The following MCCC1 variants were observed in gnomAD, a reference collection of about 807,000 sequenced individuals.
The protein encoded by MCCC1 is methylcrotonyl-CoA carboxylase subunit 1.
Under a neutral mutation model 83.8 loss-of-function variants are expected in MCCC1, and 64 were observed. The observed-to-expected ratio is 0.76, with a 90% CI of 0.62 to 0.94. The LOEUF is 0.94. Ranked by LOEUF, MCCC1 falls within the 40% of genes least tolerant of loss-of-function variation. The probability of loss-of-function intolerance (pLI) is 0.00; values close to 1 mark genes in which losing one functional copy is unlikely to be tolerated. For missense variants in MCCC1, 807 were observed against 904.7 expected, an observed-to-expected ratio of 0.89 and a Z score of 1.39; for synonymous variants, 322 against 315.4, an observed-to-expected ratio of 1.02 and a Z score of -0.22.
intron 7 of MCCC1, among the ~76,000 whole-genome samples, chr3:183,069,505 A>G (rs541494412): frequency 6.6e-6 from 1 of 152,048 alleles, no homozygotes; most frequent in Non-Finnish European, 1.5e-5. Flanking sequence ...CCTTAATTGA[A>G]TTTCATTTAC....
intron 14 of MCCC1, among the ~76,000 whole-genome samples, chr3:183,026,921 T>C (rs1431924363): frequency 1.3e-5 from 2 of 152,214 alleles, no homozygotes; most frequent in Non-Finnish European, 2.9e-5. Context: ...ATGATTCATG[T>C]TACAGGCACA....
At chr3:183,019,743 G>T (rs189013873) in intron 17 of MCCC1, among the ~76,000 whole-genome samples, 1 of 152,112 alleles carries the variant, frequency 6.6e-6, no homozygotes, top group African/African-American at 2.4e-5. Context: ...TTACATTAAC[G>T]CAGATGCAAC....
chr3:183,071,264 G>C lies in MCCC1; in HGVS notation c.585C>G (p.Ala195=). Residue 195 remains alanine (A), a synonymous_variant, in exon 6 of 19, where the codon GCC becomes GCG. Transcript: ENST00000265594. Reference sequence around the variant, plus strand: ...TCATGACAGGATAGCCAATTCTCCTGGCGTGTTCCTTCAGGCACTGGTCTG... The same window carrying C: ...TCATGACAGGATAGCCAATTCTCCTCGCGTGTTCCTTCAGGCACTGGTCTG... ...DQSDQCLKEH[A]RRIGYPVMIK... is the part of the protein sequence containing the mutation. 1 of 1,614,198 alleles carries C rather than the reference G, an allele frequency of 6.2e-7. No homozygotes were observed. The highest frequency in any genetic ancestry group is 8.5e-7 in the Non-Finnish European group (1 of 1,180,042).
intron 13 of MCCC1, among the ~76,000 whole-genome samples, chr3:183,035,796 G>C (rs1375754189): frequency 6.6e-6 from 1 of 151,944 alleles, no homozygotes; most frequent in Non-Finnish European, 1.5e-5. Context: ...AAGTATGTGA[G>C]AGCTGAGATT....
intron 15 of MCCC1, among the ~76,000 whole-genome samples, chr3:183,024,164 C>T (rs922874597): frequency 6.6e-6 from 1 of 152,010 alleles, no homozygotes; most frequent in African/African-American, 2.4e-5. Flanking sequence ...GCAGGAGAAT[C>T]GCTTGAACCT....
intron 8 of MCCC1, among the ~76,000 whole-genome samples, chr3:183,053,601 T>A (rs1296115519): frequency 1.3e-5 from 2 of 151,530 alleles, no homozygotes; most frequent in African/African-American, 4.8e-5. Flanking sequence ...AGTCAGGAGT[T>A]CGAGACCAGC....
intron 15 of MCCC1, among the ~76,000 whole-genome samples, chr3:183,024,363 T>G (rs1210299852): frequency 6.6e-6 from 1 of 152,226 alleles, no homozygotes; most frequent in Non-Finnish European, 1.5e-5. Flanking sequence ...GATAATGTTA[T>G]CACTCTGATG....
In MCCC1 at chr3:183,039,517, C is replaced by T. The variant is rs527381598; in HGVS notation, c.1268-382G>A. Among the ~76,000 whole-genome samples, 18 of 152,274 alleles carry T rather than the reference C, an allele frequency of 1.2e-4. No individual in the cohort carries two copies. In the South Asian group the frequency reaches 1.2e-3, roughly 11 times the overall value. On this transcript the variant is annotated intron_variant, in intron 11 of 18. Transcript: ENST00000265594. ...CCCTCCCCTCCACTCTTTCAGTTTC[C>T]GTACTAGTCAAGCAAGTTTAATAAT...
chr3:183,070,922 T>C (rs1716620976), intron 7 of MCCC1, 77 bp downstream of exon 7: 1 of 1,473,338 alleles, frequency 6.8e-7, no homozygotes, highest in Non-Finnish European at 9.3e-7. Flanking sequence ...TACAGTTTTA[T>C]ATTTTATAGA....
chr3:183,087,712 C>CA (rs1373664094), intron 3 of MCCC1, among the ~76,000 whole-genome samples: 22 of 150,398 alleles, frequency 1.5e-4, no homozygotes, highest in African/African-American at 4.6e-4. Context: ...ACTAAAAATA[C>CA]AAAAAAAAAT....
intron 1 of MCCC1, among the ~76,000 whole-genome samples, chr3:183,096,201 T>C (rs1202046691): frequency 6.6e-6 from 1 of 152,022 alleles, no homozygotes; most frequent in Non-Finnish European, 1.5e-5. Flanking sequence ...CCAGGTGTGG[T>C]GGTGCGCACC....
In MCCC1 at chr3:183,034,006, T is replaced by C. The variant is rs555732854; in HGVS notation, c.1666A>G (p.Lys556Glu). ...NISYTRNMTL[K>E]DGKNNVAIAV... ...CATTACTTACTGTTTTTACCATCTT[T>C]AAGAGTCATGTTTCTGGTATACGAG... The change falls in exon 14 of 19, where the codon AAA (lysine) becomes GAA (glutamate). Residue 556 changes from lysine to glutamate, a missense_variant. Physicochemically the swap from Lys to Glu is moderately conservative, Grantham distance 56 (BLOSUM62 1). Coordinates refer to ENST00000265594, the MANE Select transcript of MCCC1 (RefSeq NM_020166.5). 6.2e-7 allele frequency: 1 copy of C among 1,606,336 alleles called. No individual in the cohort carries two copies. Among genetic ancestry groups the C allele is most frequent in the East Asian group, 2.2e-5 (1 of 44,832 alleles).
intron 8 of MCCC1, among the ~76,000 whole-genome samples, chr3:183,053,556 C>T (rs1210818950): frequency 6.6e-6 from 1 of 151,578 alleles, no homozygotes; most frequent in African/African-American, 2.4e-5. Flanking sequence ...CCTGTAATCC[C>T]AGCAGTTCGG....
At chr3:183,091,147 T>C (rs1235670015) in intron 3 of MCCC1, 3 of 391,422 alleles carry the variant, frequency 7.7e-6, no homozygotes, top group Non-Finnish European at 1.5e-5. Context: ...GGGCCTGCTG[T>C]ACAGTGATAA....
chr3:183,031,491 C>CTTTTTTT (rs66507233), intron 14 of MCCC1, among the ~76,000 whole-genome samples: 13 of 72,702 alleles, frequency 1.8e-4, no homozygotes, highest in Admixed American at 4.4e-4. Flanking sequence ...CTTCTGGCAC[C>CTTTTTTT]TTTTTTTTTT....
rs577531312 is a variant in MCCC1 at position 183,052,096 on chromosome 3, G to A, written c.955+63C>T. On this transcript the variant is annotated intron_variant, in intron 9 of 18. Transcript: ENST00000265594. ...CTGATTTAAAAGTTGTGTTTCTCTT[G>A]CCTTCTAAAACATAAATTAAACACT... 217 of 1,481,396 alleles carry A rather than the reference G, an allele frequency of 1.5e-4. No individual in the cohort carries two copies. Among genetic ancestry groups the A allele is most frequent in the Non-Finnish European group, 1.9e-4 (205 of 1,060,032 alleles). 91.8% of individuals were successfully genotyped at this position (1,481,396 alleles called of 1,614,324 possible).
At chr3:183,030,983 C>T (rs888955027) in intron 14 of MCCC1, among the ~76,000 whole-genome samples, 6 of 152,270 alleles carry the variant, frequency 3.9e-5, no homozygotes, top group South Asian at 4.1e-4. Context: ...AGTAAAGACA[C>T]TACCAAAAAA....
chr3:183,073,051 T>C (rs916477823), intron 4 of MCCC1, among the ~76,000 whole-genome samples: 16 of 152,246 alleles, frequency 1.1e-4, no homozygotes, highest in Admixed American at 1.0e-3. Flanking sequence ...ATCCAGTTTG[T>C]ACACATTTTG....
intron 10 of MCCC1, among the ~76,000 whole-genome samples, chr3:183,044,902 C>CTCTTT (rs1714414430): frequency 1.4e-5 from 1 of 69,076 alleles, no homozygotes; most frequent in African/African-American, 5.8e-5. Flanking sequence ...ATTCTCAAGA[C>CTCTTT]TGTTTTGTTG....
Sources: gnomAD v4.1 joint callset for allele counts (sites outside exome capture counted in the v4.1 genomes callset) on GRCh38, gnomAD v4.1.1 for gene constraint, MANE v1.5 for transcripts, NCBI Gene and HGNC (gene_info 2026-07-23, HGNC 2026-07-21) for gene names.